The following SLC24A2 variants were observed in gnomAD, a reference collection of about 807,000 sequenced individuals.
SLC24A2 encodes solute carrier family 24 member 2.
A neutral mutation model predicts 62.0 loss-of-function variants in SLC24A2; 36 were observed. The ratio of observed to expected loss-of-function variants is 0.58; its 90% CI spans 0.44 to 0.77. The LOEUF (loss-of-function observed/expected upper bound fraction) is 0.77, where lower values mean the gene tolerates loss of function less well. Among genes scored for constraint, SLC24A2 ranks in the 30% least tolerant of loss-of-function variants. The pLI is 0.00. For synonymous variants in SLC24A2, 358 were observed against 294.0 expected (o/e 1.22, Z -2.23); for missense variants, 846 against 817.9 (o/e 1.03, Z -0.42).
At chr9:19,948,139 T>C in the SLC24A2 span, among the ~76,000 whole-genome samples, 2 of 152,366 alleles carry the variant, frequency 1.3e-5, no homozygotes, top group East Asian at 1.9e-4. Flanking sequence ...CCCTTTCTTA[T>C]AACCTGCACA....
At chr9:19,800,326 C>A in the SLC24A2 span, among the ~76,000 whole-genome samples, 7 of 152,250 alleles carry the variant, frequency 4.6e-5, no homozygotes, top group African/African-American at 1.7e-4. Flanking sequence ...CAAGGTATAG[C>A]CTTTCCTACT....
chr9:20,068,367 G>C, the SLC24A2 span, among the ~76,000 whole-genome samples: 1 of 152,040 alleles, frequency 6.6e-6, no homozygotes, highest in Non-Finnish European at 1.5e-5. Context: ...TAGCCTTCTT[G>C]ACTTTTTAAT....
At chr9:19,522,913 T>C (rs56046476) in intron 9 of SLC24A2, among the ~76,000 whole-genome samples, 20 of 152,344 alleles carry the variant, frequency 1.3e-4, no homozygotes, top group Non-Finnish European at 4.4e-5. Context: ...GAGTGAAGCA[T>C]TGCCAAAGAC....
intron 2 of SLC24A2, among the ~76,000 whole-genome samples, chr9:19,780,214 T>C (rs1284953693): frequency 6.6e-6 from 1 of 152,182 alleles, no homozygotes; most frequent in South Asian, 2.1e-4. Flanking sequence ...AGCGTAAACA[T>C]CTTAATTAAC....
chr9:20,293,479 A>G, the SLC24A2 span, among the ~76,000 whole-genome samples: 2 of 152,146 alleles, frequency 1.3e-5, no homozygotes, highest in Admixed American at 6.5e-5. Context: ...CCTAACTGCA[A>G]GATTGGCTGG....
the SLC24A2 span, among the ~76,000 whole-genome samples, chr9:19,875,062 A>G: frequency 6.6e-6 from 1 of 151,422 alleles, no homozygotes; most frequent in Admixed American, 6.6e-5. Context: ...TTTAACTAGC[A>G]TTCATATGGT....
At chr9:19,531,597 T>A (rs554192248) in intron 8 of SLC24A2, among the ~76,000 whole-genome samples, 18 of 152,296 alleles carry the variant, frequency 1.2e-4, no homozygotes, top group African/African-American at 4.1e-4. Flanking sequence ...ATTAGCTGGT[T>A]GTACAAATTA....
At chr9:19,660,995 G>A (rs1819081335) in intron 2 of SLC24A2, among the ~76,000 whole-genome samples, 1 of 152,184 alleles carries the variant, frequency 6.6e-6, no homozygotes, top group African/African-American at 2.4e-5. Context: ...CTGGCCCAGT[G>A]GGGTATGGCT....
intron 2 of SLC24A2, among the ~76,000 whole-genome samples, chr9:19,667,688 A>C (rs1819296335): frequency 6.6e-6 from 1 of 152,164 alleles, no homozygotes; most frequent in Non-Finnish European, 1.5e-5. Context: ...AGCTCCCTGG[A>C]ATGGCATGAG....
chr9:19,587,492 T>C (rs1016481197), intron 5 of SLC24A2, among the ~76,000 whole-genome samples: 4 of 152,168 alleles, frequency 2.6e-5, no homozygotes, highest in Non-Finnish European at 5.9e-5. Context: ...ATGTGAAACG[T>C]GGGTTAGCAG....
At chr9:20,265,147 G>C in the SLC24A2 span, among the ~76,000 whole-genome samples, 1 of 152,216 alleles carries the variant, frequency 6.6e-6, no homozygotes, top group Non-Finnish European at 1.5e-5. Context: ...CTGCACTTCT[G>C]GAGCCTTCCT....
chr9:20,296,206 C>T, the SLC24A2 span, among the ~76,000 whole-genome samples: 1 of 152,232 alleles, frequency 6.6e-6, no homozygotes, highest in Non-Finnish European at 1.5e-5. Flanking sequence ...TAGACCACAA[C>T]TATTCTCCAA....
At chr9:20,060,747 G>T in the SLC24A2 span, among the ~76,000 whole-genome samples, 139 of 152,148 alleles carry the variant, frequency 9.1e-4, no homozygotes, top group South Asian at 4.1e-3. Flanking sequence ...ATATTAGAAA[G>T]AAAGAAGTAA....
chr9:19,915,073 CA>C, the SLC24A2 span, among the ~76,000 whole-genome samples: 1 of 152,058 alleles, frequency 6.6e-6, no homozygotes, highest in East Asian at 1.9e-4. Flanking sequence ...CCATCACTCC[CA>C]AAAGAAACCC....
the SLC24A2 span, among the ~76,000 whole-genome samples, chr9:19,800,637 T>C: frequency 2.0e-5 from 3 of 150,948 alleles, no homozygotes; most frequent in African/African-American, 7.5e-5. Flanking sequence ...TATACAGTAC[T>C]ACTACATTTA....
At chr9:19,559,929 C>T (rs975693008) in intron 7 of SLC24A2, among the ~76,000 whole-genome samples, 2 of 152,122 alleles carry the variant, frequency 1.3e-5, no homozygotes, top group African/African-American at 2.4e-5. Flanking sequence ...TAAAATTATT[C>T]ACTACTGGGT....
chr9:20,143,320 G>T, the SLC24A2 span, among the ~76,000 whole-genome samples: 1 of 152,092 alleles, frequency 6.6e-6, no homozygotes, highest in African/African-American at 2.4e-5. Context: ...GAGAAAAGAG[G>T]AGAAAAAGAT....
At chr9:19,711,176 A>G (rs1250053477) in intron 2 of SLC24A2, among the ~76,000 whole-genome samples, 1 of 152,166 alleles carries the variant, frequency 6.6e-6, no homozygotes, top group Non-Finnish European at 1.5e-5. Context: ...AACAATTCTA[A>G]GATGCTGTTT....
At chr9:19,640,234 G>T (rs1210136894) in intron 2 of SLC24A2, among the ~76,000 whole-genome samples, 1 of 152,108 alleles carries the variant, frequency 6.6e-6, no homozygotes, top group African/African-American at 2.4e-5. Flanking sequence ...TCTAAAAATG[G>T]CTCTCCTGCT....
Sources: gnomAD v4.1 joint callset for allele counts (sites outside exome capture counted in the v4.1 genomes callset) on GRCh38, gnomAD v4.1.1 for gene constraint, MANE v1.5 for transcripts, NCBI Gene and HGNC (gene_info 2026-07-23, HGNC 2026-07-21) for gene names.